GDPD4: variants seen among roughly 807,000 people sequenced by gnomAD.
GDPD4 encodes the protein glycerophosphodiester phosphodiesterase domain containing 4.
A neutral mutation model predicts 67.8 loss-of-function variants in GDPD4; 60 were observed. That is an observed-to-expected ratio of 0.88 (90% CI 0.72 to 1.10). The LOEUF is 1.10. GDPD4 is among the 50% of genes least tolerant of loss of function. The pLI is 0.00. For synonymous variants in GDPD4, 212 were observed against 210.9 expected (o/e 1.00, Z -0.04); for missense variants, 623 against 613.9 (o/e 1.01, Z -0.16).
At chr11:77,292,982 C>A (rs1053992708) in intron 1 of GDPD4, among the ~76,000 whole-genome samples, 1 of 152,000 alleles carries the variant, frequency 6.6e-6, no homozygotes, top group African/African-American at 2.4e-5. Flanking sequence ...TGTTAAAAAG[C>A]CTTGTTAAAC....
At chr11:77,245,813 C>T (rs1209615090) in intron 11 of GDPD4, among the ~76,000 whole-genome samples, 1 of 152,154 alleles carries the variant, frequency 6.6e-6, no homozygotes, top group South Asian at 2.1e-4. Context: ...TTTTCAGTCA[C>T]GCTGGCTTCC....
At chr11:77,295,293 C>T (rs1020729048) in intron 1 of GDPD4, among the ~76,000 whole-genome samples, 1 of 151,324 alleles carries the variant, frequency 6.6e-6, no homozygotes, top group African/African-American at 2.4e-5. Flanking sequence ...CAGCCCACAA[C>T]TTTGCATTCT....
chr11:77,266,640 C>T (rs888482607), intron 10 of GDPD4, among the ~76,000 whole-genome samples: 8 of 152,144 alleles, frequency 5.3e-5, no homozygotes, highest in South Asian at 2.1e-4. Context: ...CCTGCAGACA[C>T]TGCAGTGGGA....
chr11:77,259,564 A>G (rs1959071288), intron 10 of GDPD4, among the ~76,000 whole-genome samples: 1 of 77,478 alleles, frequency 1.3e-5, no homozygotes, highest in African/African-American at 7.7e-5. Context: ...TCTCTGAGAA[A>G]AGCAAAAAAA....
At chr11:77,270,417 A>T (rs1177293043) in intron 7 of GDPD4, among the ~76,000 whole-genome samples, 3 of 152,226 alleles carry the variant, frequency 2.0e-5, no homozygotes, top group African/African-American at 7.2e-5. Context: ...ACCTAGTATT[A>T]GTTGAAACTA....
intron 14 of GDPD4, among the ~76,000 whole-genome samples, chr11:77,230,008 C>T (rs1167284546): frequency 6.6e-6 from 1 of 152,120 alleles, no homozygotes; most frequent in Non-Finnish European, 1.5e-5. Context: ...TTTCCTTGAG[C>T]TGAATAATAA....
intron 1 of GDPD4, among the ~76,000 whole-genome samples, chr11:77,298,381 G>A (rs1052408455): frequency 1.3e-5 from 2 of 152,206 alleles, no homozygotes; most frequent in African/African-American, 4.8e-5. Context: ...GTGTGGTGGC[G>A]CACGCCTGTA....
At chr11:77,278,820 T>C (rs891511923) in intron 4 of GDPD4, among the ~76,000 whole-genome samples, 1 of 152,240 alleles carries the variant, frequency 6.6e-6, no homozygotes. Context: ...GTCACACTAT[T>C]GCCAAAGGCT....
At chr11:77,289,345 A>C (rs1274088624) in intron 1 of GDPD4, among the ~76,000 whole-genome samples, 2 of 149,296 alleles carry the variant, frequency 1.3e-5, no homozygotes, top group African/African-American at 5.0e-5. Flanking sequence ...CCTAGGTGAC[A>C]GAGCAATACT....
chr11:77,296,882 C>G (rs902195041), intron 1 of GDPD4, among the ~76,000 whole-genome samples: 1 of 150,226 alleles, frequency 6.7e-6, no homozygotes, highest in East Asian at 2.0e-4. Context: ...GGTGAAACTC[C>G]GTCTCTACTA....
At chr11:77,281,922 A>G (rs1622364) in intron 3 of GDPD4, among the ~76,000 whole-genome samples, 29,211 of 152,064 alleles carry the variant, frequency 0.19, 3,735 homozygotes, top group Non-Finnish European at 0.27. Flanking sequence ...TTTTTTATAC[A>G]GGGAAAAAAA....
intron 3 of GDPD4, among the ~76,000 whole-genome samples, chr11:77,281,681 G>T (rs571453386): frequency 1.3e-5 from 2 of 152,270 alleles, no homozygotes; most frequent in African/African-American, 4.8e-5. Flanking sequence ...CAGGGGAGAA[G>T]GTAATCTCGT....
intron 13 of GDPD4, among the ~76,000 whole-genome samples, chr11:77,233,446 G>GAAAAAAAAAAAAAAAAAA (rs34507126): frequency 1.0e-5 from 1 of 100,406 alleles, no homozygotes; most frequent in African/African-American, 4.2e-5. Context: ...AAAACATATT[G>GAAAAAAAAAAAAAAAAAA]AAAAAAAAAA....
intron 15 of GDPD4, among the ~76,000 whole-genome samples, chr11:77,228,403 G>A (rs1329023776): frequency 1.3e-5 from 2 of 149,462 alleles, no homozygotes; most frequent in African/African-American, 4.9e-5. Context: ...GGGAGGCTGA[G>A]GCAGGAGAAT....
chr11:77,247,966 C>T (rs188565775), intron 11 of GDPD4, among the ~76,000 whole-genome samples: 1 of 146,094 alleles, frequency 6.8e-6, no homozygotes, highest in Admixed American at 7.0e-5. Flanking sequence ...GCAGGAGAAT[C>T]GCTTGAACCG....
chr11:77,271,101 T>C (rs1187668628), intron 7 of GDPD4, 29 bp downstream of exon 7: 2 of 1,477,512 alleles, frequency 1.4e-6, no homozygotes, highest in South Asian at 1.2e-5. Flanking sequence ...GCTGAAGAAA[T>C]AGGCAGGGTT....
chr11:77,282,382 C>A (rs1026108202), intron 3 of GDPD4, among the ~76,000 whole-genome samples: 2 of 152,020 alleles, frequency 1.3e-5, no homozygotes, highest in Non-Finnish European at 2.9e-5. Flanking sequence ...GGGCTGGGTG[C>A]GGTAGCTCAC....
chr11:77,278,931 A>AT (rs1239448299), intron 4 of GDPD4, among the ~76,000 whole-genome samples: 1 of 152,210 alleles, frequency 6.6e-6, no homozygotes, highest in Non-Finnish European at 1.5e-5. Flanking sequence ...AGAAAGACTG[A>AT]TTTTCAGAAG....
intron 13 of GDPD4, among the ~76,000 whole-genome samples, chr11:77,235,991 A>G (rs894949626): frequency 2.0e-5 from 3 of 151,774 alleles, no homozygotes; most frequent in African/African-American, 7.3e-5. Context: ...AAAAAAACAA[A>G]TTGAAGAGAT....
Sources: allele counts gnomAD v4.1 joint callset (sites outside exome capture counted in the v4.1 genomes callset), GRCh38; gene constraint gnomAD v4.1.1; transcripts MANE v1.5; gene names NCBI Gene and HGNC (gene_info 2026-07-23, HGNC 2026-07-21).